MARVELD2: variants seen among roughly 807,000 people sequenced by gnomAD.
MARVELD2 encodes the protein MARVEL domain containing 2, also known as MARVEL domain-containing protein 2.
A neutral mutation model predicts 57.6 loss-of-function variants in MARVELD2; 49 were observed. The observed-to-expected ratio is 0.85, with a 90% CI of 0.68 to 1.08. The LOEUF is 1.08. MARVELD2 is among the 50% of genes least tolerant of loss of function. The pLI is 0.00. For synonymous variants in MARVELD2, 238 were observed against 258.8 expected (o/e 0.92, Z 0.77); for missense variants, 606 against 701.1 (o/e 0.86, Z 1.53).
chr5:69,421,607 G>A (rs1254880710), intron 2 of MARVELD2, among the ~76,000 whole-genome samples: 4 of 151,748 alleles, frequency 2.6e-5, no homozygotes, highest in South Asian at 2.1e-4. Context: ...AACAAATAGC[G>A]CTTTGGTTTT....
At position 69,441,618 on chromosome 5, in the gene MARVELD2, T is replaced by A. The variant is rs774959302; in HGVS notation, c.1641T>A (p.Asp547Glu). The A allele has an allele frequency of 6.3e-6, 10 of 1,589,938 alleles. No homozygotes were observed. In the East Asian group the frequency reaches 2.2e-4, roughly 36 times the overall value. Residue 547 changes from aspartate (D) to glutamate (E), a missense_variant, in exon 7 of 7, where the codon GAT becomes GAA. Transcript: ENST00000325631. ...TAAAGCAAAGAATTCAAGAATATGA[T>A]AAAGTAATGAATTGGGATGTACAAG... ...SHIKQRIQEY[D>E]KVMNWDVQGY...
At chr5:69,426,728 T>C (rs1361050220) in intron 3 of MARVELD2, among the ~76,000 whole-genome samples, 2 of 152,062 alleles carry the variant, frequency 1.3e-5, no homozygotes, top group Non-Finnish European at 2.9e-5. Flanking sequence ...TTCAAAAGGG[T>C]CTGTCACCCA....
intron 3 of MARVELD2, among the ~76,000 whole-genome samples, chr5:69,432,069 G>A (rs994006504): frequency 4.0e-5 from 6 of 151,464 alleles, no homozygotes; most frequent in Non-Finnish European, 8.8e-5. Flanking sequence ...GGAGTGCAGT[G>A]GTACAATCTT....
chr5:69,438,090 T>C (rs1580499929), intron 5 of MARVELD2, among the ~76,000 whole-genome samples: 1 of 152,156 alleles, frequency 6.6e-6, no homozygotes, highest in African/African-American at 2.4e-5. Context: ...CATGTCCCCA[T>C]GGAAGCATGT....
At chr5:69,435,562 T>C (rs1245031966) in intron 5 of MARVELD2, among the ~76,000 whole-genome samples, 1 of 151,556 alleles carries the variant, frequency 6.6e-6, no homozygotes, top group East Asian at 2.0e-4. Context: ...GAGACCAGCC[T>C]GGCCAACATG....
At chr5:69,428,221 G>GA (rs763187785) in intron 3 of MARVELD2, among the ~76,000 whole-genome samples, 3,111 of 115,208 alleles carry the variant, frequency 0.027, 384 homozygotes, top group South Asian at 0.037. Flanking sequence ...AAAAATTTAG[G>GA]CCGGGCATGG....
intron 3 of MARVELD2, among the ~76,000 whole-genome samples, chr5:69,427,093 G>A (rs936573245): frequency 2.0e-5 from 3 of 151,990 alleles, no homozygotes; most frequent in African/African-American, 4.8e-5. Flanking sequence ...AATACTAGGG[G>A]GTGCCTTCTT....
chr5:69,430,596 C>T (rs1766931135), intron 3 of MARVELD2, among the ~76,000 whole-genome samples: 1 of 151,792 alleles, frequency 6.6e-6, no homozygotes, highest in Non-Finnish European at 1.5e-5. Flanking sequence ...TGCAGTGGCA[C>T]AATCTCAGCT....
intron 3 of MARVELD2, among the ~76,000 whole-genome samples, chr5:69,431,587 T>G (rs1377086791): frequency 6.6e-6 from 1 of 152,172 alleles, no homozygotes; most frequent in East Asian, 1.9e-4. Context: ...AAATTCTAAA[T>G]AGGTAAGTTC....
Position 69,420,304 on chromosome 5 carries a change from G to A in MARVELD2, c.919G>A (p.Ala307Thr), listed in dbSNP as rs779068129. 25 of 1,614,002 alleles carry A rather than the reference G, an allele frequency of 1.5e-5. No individual in the cohort carries two copies. Among genetic ancestry groups the A allele is most frequent in the Non-Finnish European group, 1.9e-5 (22 of 1,180,016 alleles). ...NVALFILYMAAAIVYVNDTNR... is the reference protein window; with the variant it reads ...NVALFILYMATAIVYVNDTNR... ...TGCCTTGTTTATTTTGTATATGGCCGCAGCCATAGTCTATGTGAATGATAC... is the reference window on the plus strand; with the variant it reads ...TGCCTTGTTTATTTTGTATATGGCCACAGCCATAGTCTATGTGAATGATAC... The change falls in exon 2 of 7, where the codon GCA (alanine) becomes ACA (threonine). Residue 307 changes from alanine to threonine, a missense_variant. Transcript: ENST00000325631.
chr5:69,418,318 A>G (rs1015203106), intron 1 of MARVELD2, among the ~76,000 whole-genome samples: 4 of 152,202 alleles, frequency 2.6e-5, no homozygotes, highest in African/African-American at 9.6e-5. Flanking sequence ...CCTTAAAACT[A>G]GTAGTTAATT....
At chr5:69,418,377 A>T (rs1766493983) in intron 1 of MARVELD2, among the ~76,000 whole-genome samples, 1 of 152,260 alleles carries the variant, frequency 6.6e-6, no homozygotes, top group African/African-American at 2.4e-5. Flanking sequence ...CATTGATTTC[A>T]TGAATCAACA....
chr5:69,426,546 G>A (rs1282789832), intron 3 of MARVELD2, among the ~76,000 whole-genome samples: 1 of 151,804 alleles, frequency 6.6e-6, no homozygotes, highest in Non-Finnish European at 1.5e-5. Flanking sequence ...TGTTGGTCAG[G>A]CTGGTCTCGA....
intron 3 of MARVELD2, among the ~76,000 whole-genome samples, chr5:69,431,507 C>A (rs895718781): frequency 1.3e-5 from 2 of 152,140 alleles, no homozygotes; most frequent in African/African-American, 4.8e-5. Context: ...TTTAAGTAGG[C>A]TTGTTCCATT....
chr5:69,425,828 A>ACACCATTC (rs1383643103), intron 3 of MARVELD2, among the ~76,000 whole-genome samples: 4 of 150,872 alleles, frequency 2.7e-5, no homozygotes, highest in Admixed American at 6.6e-5. Context: ...TCCCAGGTTC[A>ACACCATTC]CACCATTCTC....
chr5:69,436,329 C>T (rs948724489), intron 5 of MARVELD2, among the ~76,000 whole-genome samples: 1 of 151,300 alleles, frequency 6.6e-6, no homozygotes, highest in Admixed American at 6.6e-5. Flanking sequence ...CCACTGCACT[C>T]CAGCCTGGGC....
In MARVELD2 at chr5:69,428,595, CT is replaced by C. The variant is rs1382082728; in HGVS notation, c.1183-3931del. Among the ~76,000 whole-genome samples the C allele has an allele frequency of 7.0e-4, 94 of 134,924 alleles. 11 individuals are homozygous for C. Among genetic ancestry groups the C allele is most frequent in the African/African-American group, 1.8e-3 (66 of 36,094 alleles). 88.5% of individuals were successfully genotyped at this position (134,924 alleles called of 152,430 possible). On this transcript the variant is annotated intron_variant, in intron 3 of 6. Transcript: ENST00000325631. ...ATTCTGATTTCTTCAGGCTCCCTTT[CT>C]ATATTAAAAGGTAAGTCTTACAATT... is the stretch of plus-strand genomic sequence containing the variant.
At chr5:69,420,585 T>C in intron 2 of MARVELD2, 54 bp downstream of exon 2, 1 of 1,532,326 alleles carries the variant, frequency 6.5e-7, no homozygotes, top group Non-Finnish European at 8.9e-7. Flanking sequence ...TTTTCTGTTA[T>C]TTGCTCCCTT....
intron 1 of MARVELD2, chr5:69,418,942 T>G (rs1766509991): frequency 6.2e-6 from 1 of 162,038 alleles, no homozygotes; most frequent in Non-Finnish European, 1.3e-5. Flanking sequence ...TTTTCTTTTT[T>G]TTAGAGACAG....
Sources: allele counts gnomAD v4.1 joint callset (sites outside exome capture counted in the v4.1 genomes callset), GRCh38; gene constraint gnomAD v4.1.1; transcripts MANE v1.5; gene names NCBI Gene and HGNC (gene_info 2026-07-23, HGNC 2026-07-21).